Variants in LRRC4C observed in about 807,000 individuals in gnomAD.
LRRC4C encodes leucine-rich repeat-containing protein 4C.
In LRRC4C, 5 loss-of-function variants were observed where a neutral mutation model predicts 33.6. That is an observed-to-expected ratio of 0.15 (90% CI 0.08 to 0.31). LRRC4C has a LOEUF of 0.31. Among genes scored for constraint, LRRC4C ranks in the 10% least tolerant of loss-of-function variants. LRRC4C has a pLI of 1.00. For missense variants in LRRC4C, 560 were observed against 796.7 expected, an observed-to-expected ratio of 0.70 and a Z score of 3.58; for synonymous variants, 329 against 302.0, an observed-to-expected ratio of 1.09 and a Z score of -0.93.
At chr11:41,199,034 A>G (rs1267146330) in intron 1 of LRRC4C, among the ~76,000 whole-genome samples, 2 of 152,160 alleles carry the variant, frequency 1.3e-5, no homozygotes, top group Admixed American at 6.6e-5. Context: ...TCAGTGTTTA[A>G]TAACTATGGA....
chr11:40,241,472 C>T (rs1348339066), intron 5 of LRRC4C, 47 bp downstream of exon 5: 1 of 152,108 alleles, frequency 6.6e-6, no homozygotes, highest in East Asian at 1.9e-4. Context: ...ATCCCTCATT[C>T]CATTTTTTAT....
intron 1 of LRRC4C, among the ~76,000 whole-genome samples, chr11:41,315,090 G>A (rs1950747993): frequency 6.6e-6 from 1 of 152,154 alleles, no homozygotes; most frequent in African/African-American, 2.4e-5. Flanking sequence ...TTTCTAATAG[G>A]AAAAGAATAA....
chr11:40,464,720 T>G (rs772348338), intron 3 of LRRC4C, among the ~76,000 whole-genome samples: 31 of 151,926 alleles, frequency 2.0e-4, no homozygotes, highest in Non-Finnish European at 3.7e-4. Flanking sequence ...GTCAATCCCT[T>G]TAATAATAGC....
At chr11:41,059,757 G>T (rs1858928967) in intron 1 of LRRC4C, among the ~76,000 whole-genome samples, 2 of 152,142 alleles carry the variant, frequency 1.3e-5, no homozygotes, top group Admixed American at 6.5e-5. Flanking sequence ...AGAATCTCTG[G>T]CTCATGCCTG....
chr11:41,143,746 G>A (rs1441803032), intron 1 of LRRC4C, among the ~76,000 whole-genome samples: 2 of 152,068 alleles, frequency 1.3e-5, no homozygotes, highest in Non-Finnish European at 2.9e-5. Flanking sequence ...TGGGGGCATG[G>A]GGCCATCATA....
chr11:40,639,423 T>G (rs1472003473), intron 3 of LRRC4C, among the ~76,000 whole-genome samples: 1 of 152,150 alleles, frequency 6.6e-6, no homozygotes, highest in Non-Finnish European at 1.5e-5. Context: ...CACAGAAACA[T>G]GCAAATATTA....
intron 3 of LRRC4C, among the ~76,000 whole-genome samples, chr11:40,373,707 T>C (rs1197294369): frequency 2.6e-5 from 4 of 152,016 alleles, no homozygotes; most frequent in Non-Finnish European, 4.4e-5. Context: ...GATCAGTGAG[T>C]TCTCGCTCAG....
chr11:40,891,497 T>C (rs1460727880), intron 2 of LRRC4C, among the ~76,000 whole-genome samples: 1 of 152,060 alleles, frequency 6.6e-6, no homozygotes, highest in Non-Finnish European at 1.5e-5. Context: ...ATTTGCAAAC[T>C]ATCCATCTAA....
chr11:41,050,681 C>T (rs1565336505), intron 1 of LRRC4C, among the ~76,000 whole-genome samples: 1 of 152,008 alleles, frequency 6.6e-6, no homozygotes, highest in Non-Finnish European at 1.5e-5. Flanking sequence ...TTTTTTTATC[C>T]AGTCTATCAC....
At chr11:40,453,617 G>GA (rs149112559) in intron 3 of LRRC4C, among the ~76,000 whole-genome samples, 69 of 143,748 alleles carry the variant, frequency 4.8e-4, no homozygotes, top group South Asian at 2.0e-3. Context: ...GGCATTCTAA[G>GA]AAAAAAAAAA....
chr11:40,345,038 T>C (rs1343301591), intron 3 of LRRC4C, among the ~76,000 whole-genome samples: 1 of 152,072 alleles, frequency 6.6e-6, no homozygotes, highest in African/African-American at 2.4e-5. Context: ...TACATGCTCA[T>C]AGGAAGAAGA....
At chr11:41,381,808 A>C (rs1373805306) in intron 1 of LRRC4C, among the ~76,000 whole-genome samples, 2 of 151,688 alleles carry the variant, frequency 1.3e-5, no homozygotes, top group Non-Finnish European at 2.9e-5. Context: ...AAAGGCATCA[A>C]GTAGAGCTTT....
intron 3 of LRRC4C, among the ~76,000 whole-genome samples, chr11:40,610,091 T>G (rs1006207147): frequency 6.6e-6 from 1 of 151,830 alleles, no homozygotes; most frequent in African/African-American, 2.4e-5. Flanking sequence ...GAAAAAACTA[T>G]AGCCAAACAT....
rs944891861 is a variant in LRRC4C, at chr11:41,459,478, T to C, written c.-543A>G. The C allele has an allele frequency of 5.9e-5, 9 of 152,162 alleles. No individual in the cohort carries two copies. The highest frequency in any genetic ancestry group is 1.9e-4 in the African/African-American group (8 of 41,434). 9.4% of individuals were successfully genotyped at this position (152,162 alleles called of 1,614,324 possible). A position where few individuals can be genotyped will look rare whatever the true frequency, so the allele number is the denominator to read the frequency against. The stretch of plus-strand genomic sequence containing the variant: ...TCACCAAGGAAAATTTACAATCCTC[T>C]AGCTTGCCGTGCACTACTCTATTTT... On this transcript the variant is annotated 5_prime_UTR_variant, in exon 1 of 7. Coordinates refer to ENST00000528697, the MANE Select transcript of LRRC4C (RefSeq NM_001258419.2).
chr11:40,577,980 A>G (rs551954402), intron 3 of LRRC4C, among the ~76,000 whole-genome samples: 3 of 149,612 alleles, frequency 2.0e-5, no homozygotes, highest in Admixed American at 6.6e-5. Context: ...GACTACAGGT[A>G]CCCTCCACTA....
chr11:40,882,959 TTATTA>T (rs747367977), intron 2 of LRRC4C, among the ~76,000 whole-genome samples: 14 of 152,038 alleles, frequency 9.2e-5, no homozygotes, highest in Admixed American at 7.2e-4. Context: ...AAAATGGGGT[TTATTA>T]TATTAGAGGT....
At chr11:41,177,480 T>C (rs1418690274) in intron 1 of LRRC4C, among the ~76,000 whole-genome samples, 1 of 152,200 alleles carries the variant, frequency 6.6e-6, no homozygotes, top group Non-Finnish European at 1.5e-5. Flanking sequence ...TGATCACAAC[T>C]GGTATAACAA....
intron 3 of LRRC4C, among the ~76,000 whole-genome samples, chr11:40,348,705 T>C (rs180990126): frequency 2.0e-5 from 3 of 152,316 alleles, no homozygotes; most frequent in African/African-American, 4.8e-5. Flanking sequence ...TCCAAATCTG[T>C]AACTCTTTCT....
At chr11:41,395,050 A>G (rs1444439062) in intron 1 of LRRC4C, among the ~76,000 whole-genome samples, 3 of 151,942 alleles carry the variant, frequency 2.0e-5, no homozygotes, top group African/African-American at 7.2e-5. Flanking sequence ...GTTTGGCTCT[A>G]CTAAACGTTC....
Sources: allele counts gnomAD v4.1 joint callset (sites outside exome capture counted in the v4.1 genomes callset), GRCh38; gene constraint gnomAD v4.1.1; transcripts MANE v1.5; gene names NCBI Gene and HGNC (gene_info 2026-07-23, HGNC 2026-07-21).